DNAI7: variants seen among roughly 807,000 people sequenced by gnomAD.
DNAI7 encodes dynein axonemal intermediate chain 7, also known as cancer susceptibility 1.
Under a neutral mutation model 86.6 loss-of-function variants are expected in DNAI7, and 78 were observed. The ratio of observed to expected loss-of-function variants is 0.90; its 90% CI spans 0.75 to 1.09. The LOEUF is 1.09. Among genes scored for constraint, DNAI7 ranks in the 50% least tolerant of loss-of-function variants. The pLI, the probability that DNAI7 is intolerant of heterozygous loss-of-function variation, is 0.00. For missense variants in DNAI7, 753 were observed against 810.2 expected (o/e 0.93, Z 0.86); for synonymous variants, 274 against 273.0 (o/e 1.00, Z -0.04).
At chr12:25,157,453 A>G (rs1460471614) in intron 4 of DNAI7, among the ~76,000 whole-genome samples, 1 of 152,140 alleles carries the variant, frequency 6.6e-6, no homozygotes, top group Non-Finnish European at 1.5e-5. Flanking sequence ...TGAAATAGAT[A>G]TGAGAATCCA....
intron 11 of DNAI7, among the ~76,000 whole-genome samples, chr12:25,120,335 A>AGAGAGAGAGAGAGAGAG: frequency 6.7e-6 from 1 of 148,530 alleles, no homozygotes; most frequent in Non-Finnish European, 1.5e-5. Context: ...AGAGAGAGAG[A>AGAGAGAGAGAGAGAGAG]GAGAGAGGAA....
intron 9 of DNAI7, among the ~76,000 whole-genome samples, chr12:25,133,909 C>T (rs1019640735): frequency 3.9e-5 from 6 of 152,198 alleles, no homozygotes; most frequent in Admixed American, 1.3e-4. Context: ...GTTTTCATTG[C>T]CTTTTATAAA....
At chr12:25,183,374 A>T (rs753009365) in intron 2 of DNAI7, among the ~76,000 whole-genome samples, 3 of 151,902 alleles carry the variant, frequency 2.0e-5, no homozygotes, top group African/African-American at 7.2e-5. Flanking sequence ...TATATTGGGT[A>T]ATGCTGGGAT....
At chr12:25,152,889 C>T (rs896519879) in intron 6 of DNAI7, among the ~76,000 whole-genome samples, 3 of 152,146 alleles carry the variant, frequency 2.0e-5, no homozygotes, top group Non-Finnish European at 2.9e-5. Flanking sequence ...GCTAGTTTTT[C>T]GTTTTACTTA....
chr12:25,192,711 C>T (rs1183166140), intron 1 of DNAI7: 1 of 150,898 alleles, frequency 6.6e-6, no homozygotes, highest in Non-Finnish European at 1.5e-5. Context: ...CCCAGCTACT[C>T]GGGAGGCTGA....
At chr12:25,136,957 A>T (rs996184151) in intron 9 of DNAI7, among the ~76,000 whole-genome samples, 1 of 152,212 alleles carries the variant, frequency 6.6e-6, no homozygotes, top group Non-Finnish European at 1.5e-5. Flanking sequence ...TTCCCAAGGA[A>T]GAAGAGAAAT....
chr12:25,135,092 G>A (rs934909885), intron 9 of DNAI7, among the ~76,000 whole-genome samples: 4 of 152,122 alleles, frequency 2.6e-5, no homozygotes, highest in Non-Finnish European at 5.9e-5. Flanking sequence ...ATAATTCACA[G>A]ACTCTGAAAG....
chr12:25,109,299 G>C (rs2140314600), intron 15 of DNAI7, among the ~76,000 whole-genome samples: 1 of 152,320 alleles, frequency 6.6e-6, no homozygotes, highest in East Asian at 1.9e-4. Context: ...CTGATAACAA[G>C]AAGGTATCAG....
chr12:25,173,846 ATACAT>A (rs1948418621), intron 2 of DNAI7, among the ~76,000 whole-genome samples: 1 of 144,852 alleles, frequency 6.9e-6, no homozygotes, highest in African/African-American at 2.6e-5. Context: ...TCATATATAT[ATACAT>A]CATATGTATA....
At chr12:25,164,039 A>G (rs1947141332) in intron 2 of DNAI7, among the ~76,000 whole-genome samples, 1 of 152,200 alleles carries the variant, frequency 6.6e-6, no homozygotes, top group Non-Finnish European at 1.5e-5. Flanking sequence ...GTGTCTGACC[A>G]TGCAAGGACG....
chr12:25,120,205 A>G (rs1940971832), intron 11 of DNAI7, among the ~76,000 whole-genome samples: 1 of 152,010 alleles, frequency 6.6e-6, no homozygotes, highest in South Asian at 2.1e-4. Flanking sequence ...CTCAAAAACA[A>G]GAATGCACCA....
At chr12:25,194,799 T>C in intron 1 of DNAI7, 2 of 1,410,428 alleles carry the variant, frequency 1.4e-6, no homozygotes, top group South Asian at 1.3e-5. Context: ...TGGGACCAAT[T>C]TTCAAGCTTA....
chr12:25,147,293 T>C (rs7304274), intron 7 of DNAI7, among the ~76,000 whole-genome samples, 189 bp from the exon 8 acceptor site: 14,004 of 152,226 alleles, frequency 0.092, 1,992 homozygotes, highest in African/African-American at 0.31. Context: ...AATGCAAACA[T>C]ATTTACTTAC....
chr12:25,146,734 C>A (rs954343767), intron 8 of DNAI7, among the ~76,000 whole-genome samples: 1 of 152,268 alleles, frequency 6.6e-6, no homozygotes, highest in East Asian at 1.9e-4. Context: ...TATAACTATG[C>A]TATAACACAT....
chr12:25,172,299 A>T (rs904006357), intron 2 of DNAI7, among the ~76,000 whole-genome samples: 2 of 152,160 alleles, frequency 1.3e-5, no homozygotes, highest in African/African-American at 4.8e-5. Context: ...TCTTCTATAC[A>T]CCAAAAGCAA....
chr12:25,108,825 T>TTAAAAAAAAAAAAA lies in DNAI7; in HGVS notation c.1894-3_1894-2insTTTTTTTTTTTTTA, dbSNP rs1949483426. Reference sequence around the variant, plus strand: ...TGCTTCAGTAAGGTGTTCCCTCACCTAAAAAAAAAAAAAATTCAAGCAAGT... The same window carrying TTAAAAAAAAAAAAA: ...TGCTTCAGTAAGGTGTTCCCTCACCTTAAAAAAAAAAAAAAAAAAAAAAAAAAATTCAAGCAAGT... On this transcript the variant is annotated splice_polypyrimidine_tract_variant and splice_region_variant and intron_variant, in intron 15 of 15. Coordinates refer to ENST00000395987, the MANE Select transcript of DNAI7 (RefSeq NM_018272.5). 2 of 93,098 alleles carry TTAAAAAAAAAAAAA rather than the reference T, an allele frequency of 2.1e-5. No individual in the cohort carries two copies. Among genetic ancestry groups the TTAAAAAAAAAAAAA allele is most frequent in the Admixed American group, 2.5e-4 (1 of 4,046 alleles). The allele number at this position is 93,098 out of a possible 1,614,324, so 5.8% of individuals were successfully genotyped here.
chr12:25,108,420 TGCA>T lies in DNAI7; in HGVS notation c.*125_*127del, dbSNP rs780241444. The T allele has an allele frequency of 6.3e-6, 5 of 793,266 alleles. No homozygotes were observed. The highest frequency in any genetic ancestry group is 9.3e-6 in the Non-Finnish European group (5 of 538,150). 49.1% of individuals were successfully genotyped at this position (793,266 alleles called of 1,614,324 possible). A position where few individuals can be genotyped will look rare whatever the true frequency, so the allele number is the denominator to read the frequency against. ...TTTAAAATAAAACTTGAGTAGAAAA[TGCA>T]GATTAGAAAATTTTTAATAGTTGAT... On this transcript the variant is annotated 3_prime_UTR_variant, in exon 16 of 16. Coordinates refer to ENST00000395987, the MANE Select transcript of DNAI7 (RefSeq NM_018272.5).
intron 12 of DNAI7, among the ~76,000 whole-genome samples, chr12:25,118,554 C>T (rs988191434): frequency 3.3e-5 from 5 of 151,858 alleles, no homozygotes; most frequent in African/African-American, 1.2e-4. Context: ...TGAGCCACCA[C>T]GCCTGGCCTG....
chr12:25,173,204 C>T (rs1437809175), intron 2 of DNAI7, among the ~76,000 whole-genome samples: 1 of 151,840 alleles, frequency 6.6e-6, no homozygotes, highest in Non-Finnish European at 1.5e-5. Context: ...ATACATCTGA[C>T]AAAGGACTAA....
Sources: gnomAD v4.1 joint callset for allele counts (sites outside exome capture counted in the v4.1 genomes callset) on GRCh38, gnomAD v4.1.1 for gene constraint, MANE v1.5 for transcripts, NCBI Gene and HGNC (gene_info 2026-07-23, HGNC 2026-07-21) for gene names.